COBL: variants seen among roughly 807,000 people sequenced by gnomAD.
COBL encodes the protein cordon-bleu WH2 repeat protein, also known as protein cordon-bleu.
A neutral mutation model predicts 98.8 loss-of-function variants in COBL; 51 were observed. That is an observed-to-expected ratio of 0.52 (90% CI 0.41 to 0.65). COBL has a LOEUF of 0.65. Among genes scored for constraint, COBL ranks in the 30% least tolerant of loss-of-function variants. The probability of loss-of-function intolerance (pLI) is 0.00; values close to 1 mark genes in which losing one functional copy is unlikely to be tolerated. For missense variants in COBL, 1,617 were observed against 1,617.5 expected (o/e 1.00, Z 0.01); for synonymous variants, 634 against 651.7 (o/e 0.97, Z 0.41).
intron 5 of COBL, among the ~76,000 whole-genome samples, chr7:51,166,214 G>A (rs1787308401): frequency 6.6e-6 from 1 of 151,688 alleles, no homozygotes; most frequent in African/African-American, 2.4e-5. Context: ...CAAACCTTCA[G>A]CCAGATGAAG....
intron 2 of COBL, among the ~76,000 whole-genome samples, chr7:51,216,335 C>G (rs551366031): frequency 1.3e-5 from 2 of 152,306 alleles, no homozygotes; most frequent in Non-Finnish European, 1.5e-5. Flanking sequence ...GAAGCACCAC[C>G]ACACCCAGCT....
At chr7:51,047,462 T>C (rs1728952403) in intron 7 of COBL, among the ~76,000 whole-genome samples, 2 of 152,242 alleles carry the variant, frequency 1.3e-5, no homozygotes, top group South Asian at 4.1e-4. Flanking sequence ...AGTTCGGTAC[T>C]AGTTTTTCTT....
intron 8 of COBL, chr7:51,034,796 C>G (rs538218648): frequency 2.6e-5 from 4 of 152,242 alleles, no homozygotes; most frequent in Admixed American, 6.5e-5. Flanking sequence ...CCTTCCCCCC[C>G]ACCAACACAT....
intron 6 of COBL, among the ~76,000 whole-genome samples, 184 bp from the exon 7 acceptor site, chr7:51,085,488 C>T (rs905365732): frequency 6.6e-6 from 1 of 152,278 alleles, no homozygotes; most frequent in East Asian, 1.9e-4. Flanking sequence ...GGCCATGAGG[C>T]GAGAGACCAG....
intron 7 of COBL, among the ~76,000 whole-genome samples, chr7:51,069,221 G>A (rs924373730): frequency 2.0e-5 from 3 of 152,230 alleles, no homozygotes; most frequent in African/African-American, 7.2e-5. Context: ...CAAGCGAAGG[G>A]CGCAGGGATG....
chr7:51,295,617 G>A (rs1801355033), intron 1 of COBL, among the ~76,000 whole-genome samples: 2 of 152,122 alleles, frequency 1.3e-5, no homozygotes, highest in Non-Finnish European at 2.9e-5. Flanking sequence ...TGGAGACAAG[G>A]ATATGTACAA....
chr7:51,047,891 G>A (rs1562841851), intron 7 of COBL, among the ~76,000 whole-genome samples: 1 of 151,192 alleles, frequency 6.6e-6, no homozygotes, highest in Non-Finnish European at 1.5e-5. Context: ...TGGGGGCCAG[G>A]TGCAGTGGCT....
chr7:51,093,393 T>C (rs1017155398), intron 6 of COBL, among the ~76,000 whole-genome samples: 1 of 152,200 alleles, frequency 6.6e-6, no homozygotes, highest in Non-Finnish European at 1.5e-5. Flanking sequence ...TTGTGTATTG[T>C]TGGTGAAAAT....
At chr7:51,172,183 G>T (rs1222717611) in intron 5 of COBL, among the ~76,000 whole-genome samples, 2 of 152,238 alleles carry the variant, frequency 1.3e-5, no homozygotes, top group Admixed American at 6.5e-5. Flanking sequence ...TATGATGGTA[G>T]TTTCGGGAAG....
At chr7:51,029,748 T>C (rs892895533) in intron 9 of COBL, among the ~76,000 whole-genome samples, 157 bp from the exon 10 acceptor site, 1 of 152,230 alleles carries the variant, frequency 6.6e-6, no homozygotes, top group African/African-American at 2.4e-5. Context: ...ATAATATGCC[T>C]GGGGCCAGAA....
intron 5 of COBL, among the ~76,000 whole-genome samples, chr7:51,183,894 C>A (rs1028146140): frequency 6.6e-6 from 1 of 152,208 alleles, no homozygotes; most frequent in Non-Finnish European, 1.5e-5. Context: ...GAATAAACCA[C>A]CATCACCCAA....
Position 51,147,863 on chromosome 7 carries a change from G to C in COBL, c.784-11532C>G, listed in dbSNP as rs191488264. On this transcript the variant is annotated intron_variant, in intron 5 of 12. Coordinates refer to ENST00000265136, the MANE Select transcript of COBL (RefSeq NM_015198.5). ...CCTCCCAGGTTCACACTAGTCTCCT[G>C]CCTCAGCCTCCCAAGTAGCTGGGAA... Among the ~76,000 whole-genome samples, 341 of 151,664 alleles carry C rather than the reference G, an allele frequency of 2.2e-3. 3 individuals carry two copies. The South Asian group carries it at 0.036, about 16-fold the overall frequency.
chr7:51,279,709 A>G (rs185672447), intron 1 of COBL, among the ~76,000 whole-genome samples: 1 of 152,284 alleles, frequency 6.6e-6, no homozygotes, highest in East Asian at 1.9e-4. Flanking sequence ...ACAAATGTAC[A>G]ATGACACGTA....
chr7:51,053,972 G>A (rs1790479779), intron 7 of COBL, among the ~76,000 whole-genome samples: 1 of 152,250 alleles, frequency 6.6e-6, no homozygotes. Flanking sequence ...CTTGAGGTCA[G>A]GATTTCGAGA....
At chr7:51,133,248 A>G (rs1798920513) in intron 6 of COBL, among the ~76,000 whole-genome samples, 2 of 152,154 alleles carry the variant, frequency 1.3e-5, no homozygotes, top group African/African-American at 2.4e-5. Flanking sequence ...TCCCAGTGAG[A>G]AGGAGTGGAC....
intron 4 of COBL, chr7:51,187,936 G>T (rs1186618356): frequency 1.6e-6 from 2 of 1,232,338 alleles, no homozygotes; most frequent in Admixed American, 8.4e-5. Context: ...GGGAAGGCTC[G>T]GACTGAGTTT....
At chr7:51,178,253 T>C (rs1347441048) in intron 5 of COBL, among the ~76,000 whole-genome samples, 5 of 152,148 alleles carry the variant, frequency 3.3e-5, no homozygotes, top group Non-Finnish European at 4.4e-5. Context: ...GGCTTAAAGG[T>C]TATTTAAAAG....
intron 10 of COBL, 127 bp downstream of exon 10, chr7:51,027,585 G>T: frequency 1.3e-6 from 1 of 775,912 alleles, no homozygotes; most frequent in Non-Finnish European, 2.1e-6. Context: ...AATGAAACCT[G>T]TGTGGTAAGC....
chr7:51,283,536 G>C (rs1799998421), intron 1 of COBL, among the ~76,000 whole-genome samples: 1 of 152,178 alleles, frequency 6.6e-6, no homozygotes, highest in Non-Finnish European at 1.5e-5. Flanking sequence ...CCAGGCTGGA[G>C]TGCAGGGGCG....
Sources: allele counts gnomAD v4.1 joint callset (sites outside exome capture counted in the v4.1 genomes callset), GRCh38; gene constraint gnomAD v4.1.1; transcripts MANE v1.5; gene names NCBI Gene and HGNC (gene_info 2026-07-23, HGNC 2026-07-21).